FMN2: variants seen among roughly 807,000 people sequenced by gnomAD.
FMN2 encodes formin 2.
In FMN2, 51 loss-of-function variants were observed where a neutral mutation model predicts 142.3. The ratio of observed to expected loss-of-function variants is 0.36; its 90% CI spans 0.29 to 0.45. FMN2 has a LOEUF of 0.45. FMN2 is among the 20% of genes least tolerant of loss of function. The probability of loss-of-function intolerance (pLI) is 1.00; values close to 1 mark genes in which losing one functional copy is unlikely to be tolerated. For synonymous variants in FMN2, 882 were observed against 869.8 expected (o/e 1.01, Z -0.25); for missense variants, 1,936 against 2,122.8 (o/e 0.91, Z 1.73).
chr1:240,193,511 T>C (rs1051549074), intron 4 of FMN2, among the ~76,000 whole-genome samples: 2 of 152,156 alleles, frequency 1.3e-5, no homozygotes, highest in African/African-American at 4.8e-5. Flanking sequence ...CATTTTTGGA[T>C]AGATGGAGGG....
At chr1:240,145,204 C>G (rs1390650087) in intron 2 of FMN2, 1 of 1,431,750 alleles carries the variant, frequency 7.0e-7, no homozygotes, top group East Asian at 2.3e-5. Flanking sequence ...CCACAAGCAT[C>G]TCCAGTTCAT....
At chr1:240,197,106 C>T (rs780997378) in intron 4 of FMN2, among the ~76,000 whole-genome samples, 1 of 152,104 alleles carries the variant, frequency 6.6e-6, no homozygotes, top group South Asian at 2.1e-4. Flanking sequence ...GGACTTTCTG[C>T]CCCACCCCCC....
chr1:240,122,758 GA>G (rs1030329210), intron 1 of FMN2, among the ~76,000 whole-genome samples: 2 of 151,780 alleles, frequency 1.3e-5, no homozygotes, highest in African/African-American at 4.8e-5. Flanking sequence ...GTCTATTAAA[GA>G]AAAAAAATCT....
intron 8 of FMN2, among the ~76,000 whole-genome samples, chr1:240,326,259 A>G (rs935246146): frequency 2.6e-5 from 4 of 152,188 alleles, no homozygotes; most frequent in African/African-American, 9.7e-5. Context: ...GGGCATAGAT[A>G]AAGTGACAGT....
chr1:240,320,230 T>G (rs1466257956), intron 8 of FMN2, among the ~76,000 whole-genome samples: 1 of 152,246 alleles, frequency 6.6e-6, no homozygotes, highest in South Asian at 2.1e-4. Context: ...CGATGTCATC[T>G]TGGAAGGGAC....
rs536468353 is a variant in FMN2 at position 240,121,532 on chromosome 1, A to C, written c.1616-1647A>C. 7.3e-5 allele frequency among the ~76,000 whole-genome samples: 11 copies of C among 151,100 alleles called. No homozygotes were observed. The South Asian group carries it at 1.5e-3, about 20-fold the overall frequency. Reference sequence around the variant, plus strand: ...CTGGGACTACAGGCGCTGGCCACCAAGCCTGGCTAATTTTTTTTGTTTTGT... The same window carrying C: ...CTGGGACTACAGGCGCTGGCCACCACGCCTGGCTAATTTTTTTTGTTTTGT... On this transcript the variant is annotated intron_variant, in intron 1 of 17. Coordinates refer to ENST00000319653, the MANE Select transcript of FMN2 (RefSeq NM_020066.5).
At position 240,093,174 on chromosome 1, in the gene FMN2, G is replaced by A; in HGVS notation, c.1065G>A (p.Glu355=). The change falls in exon 1 of 18, where the codon GAG becomes GAA. Residue 355 remains glutamate, a synonymous_variant. Coordinates refer to ENST00000319653, the MANE Select transcript of FMN2 (RefSeq NM_020066.5). ...TDEEGEEDAF[E]DAPRGSPGEE... ...AGGAGGGTGAGGAGGATGCTTTTGA[G>A]GATGCGCCCCGGGGCTCTCCGGGGG... The A allele has an allele frequency of 2.1e-6, 3 of 1,450,462 alleles. No homozygotes were observed. In the South Asian group the frequency reaches 4.3e-5, roughly 21 times the overall value. The allele number at this position is 1,450,462 out of a possible 1,614,324, so 89.8% of individuals were successfully genotyped here.
At chr1:240,417,853 G>A (rs1558480691) in intron 15 of FMN2, among the ~76,000 whole-genome samples, 1 of 152,010 alleles carries the variant, frequency 6.6e-6, no homozygotes, top group Admixed American at 6.6e-5. Context: ...TGCTATAATT[G>A]TGAATGTTTG....
intron 2 of FMN2, chr1:240,144,517 A>G (rs1397032329): frequency 1.3e-6 from 2 of 1,496,246 alleles, no homozygotes; most frequent in East Asian, 2.3e-5. Context: ...GTACTACCAC[A>G]TCCTCGCAGG....
chr1:240,171,433 A>C (rs1206179787), intron 2 of FMN2: 1 of 460,984 alleles, frequency 2.2e-6, no homozygotes, highest in Non-Finnish European at 4.0e-6. Context: ...CTCTGTAATC[A>C]AGGCAAGGAT....
chr1:240,102,990 G>T (rs541827269), intron 1 of FMN2, among the ~76,000 whole-genome samples: 1 of 151,416 alleles, frequency 6.6e-6, no homozygotes, highest in South Asian at 2.1e-4. Context: ...TCAGCCTCCC[G>T]AGTAGCTGGG....
chr1:240,380,771 CA>C (rs1049956632), intron 14 of FMN2, among the ~76,000 whole-genome samples: 2 of 145,162 alleles, frequency 1.4e-5, no homozygotes, highest in African/African-American at 5.1e-5. Flanking sequence ...AGATTGAGAC[CA>C]AAAAAAATGA....
At chr1:240,292,815 A>G (rs979163615) in intron 7 of FMN2, among the ~76,000 whole-genome samples, 3 of 152,126 alleles carry the variant, frequency 2.0e-5, no homozygotes, top group Non-Finnish European at 4.4e-5. Flanking sequence ...TAGAATTTCT[A>G]TCACTGCATC....
Position 240,216,805 on chromosome 1 carries a change from C to T in FMN2, c.4065+5570C>T, listed in dbSNP as rs531783709. On this transcript the variant is annotated intron_variant, in intron 6 of 17. Coordinates refer to ENST00000319653, the MANE Select transcript of FMN2 (RefSeq NM_020066.5). ...CTACTAAAAATACAAAAAAATTAGC[C>T]GGGAGTAGTGGTGGATGCCTGTAAT... Among the ~76,000 whole-genome samples the T allele has an allele frequency of 3.8e-4, 57 of 151,998 alleles. No individual in the cohort carries two copies. In the South Asian group the frequency reaches 0.01, roughly 27 times the overall value.
At chr1:240,114,435 C>T (rs1022389175) in intron 1 of FMN2, among the ~76,000 whole-genome samples, 4 of 152,106 alleles carry the variant, frequency 2.6e-5, no homozygotes, top group Non-Finnish European at 5.9e-5. Context: ...ATGCTGTGTA[C>T]TTTATGATCA....
chr1:240,351,266 T>G (rs559693704), intron 13 of FMN2, among the ~76,000 whole-genome samples: 6 of 152,328 alleles, frequency 3.9e-5, no homozygotes, highest in East Asian at 3.9e-4. Flanking sequence ...AGATATTTAC[T>G]CAGTATACAG....
chr1:240,185,672 A>G (rs1341004058), intron 3 of FMN2, among the ~76,000 whole-genome samples: 1 of 152,270 alleles, frequency 6.6e-6, no homozygotes, highest in Admixed American at 6.5e-5. Context: ...CAAGGACTAT[A>G]GAACAAAGCT....
chr1:240,370,999 C>CG (rs1411872070), intron 14 of FMN2, among the ~76,000 whole-genome samples: 1 of 152,126 alleles, frequency 6.6e-6, no homozygotes, highest in Non-Finnish European at 1.5e-5. Flanking sequence ...AATACAGTGG[C>CG]GGGATCTCAA....
intron 15 of FMN2, among the ~76,000 whole-genome samples, chr1:240,431,554 C>A (rs1037810358): frequency 1.3e-5 from 2 of 151,096 alleles, no homozygotes; most frequent in African/African-American, 4.8e-5. Context: ...TATTTCTGAA[C>A]TAAAAAGAAA....
Sources: gnomAD v4.1 joint callset for allele counts (sites outside exome capture counted in the v4.1 genomes callset) on GRCh38, gnomAD v4.1.1 for gene constraint, MANE v1.5 for transcripts, NCBI Gene and HGNC (gene_info 2026-07-23, HGNC 2026-07-21) for gene names.